The following MSRA variants were observed in gnomAD, a reference collection of about 807,000 sequenced individuals.
MSRA encodes the protein mitochondrial peptide methionine sulfoxide reductase.
Under a neutral mutation model 31.3 loss-of-function variants are expected in MSRA, and 54 were observed. The observed-to-expected ratio is 1.73, with a 90% CI of 1.39 to 2.17. The LOEUF is 2.17. Among genes scored for constraint, MSRA ranks in the 30% most tolerant of loss-of-function variants. MSRA has a pLI of 0.00. For synonymous variants in MSRA, 169 were observed against 116.5 expected, an observed-to-expected ratio of 1.45 and a Z score of -2.90; for missense variants, 507 against 300.9, an observed-to-expected ratio of 1.69 and a Z score of -5.07.
intron 1 of MSRA, among the ~76,000 whole-genome samples, chr8:10,162,627 G>T (rs192709678): frequency 3.5e-4 from 53 of 152,298 alleles, no homozygotes; most frequent in Non-Finnish European, 2.8e-4. Context: ...CCGTAGCTCT[G>T]TGCCTTACTA....
chr8:10,248,446 A>G (rs1797742285), intron 3 of MSRA, among the ~76,000 whole-genome samples: 1 of 152,138 alleles, frequency 6.6e-6, no homozygotes, highest in South Asian at 2.1e-4. Context: ...CGCACATCAG[A>G]GCTTCCACAA....
chr8:10,166,480 T>G (rs539450947), intron 1 of MSRA, among the ~76,000 whole-genome samples: 6 of 152,290 alleles, frequency 3.9e-5, no homozygotes, highest in African/African-American at 1.4e-4. Context: ...TGACTACATA[T>G]GTGTGTGCAT....
rs1324291754 is a variant in MSRA at position 10,415,389 on chromosome 8, T to G, written c.544-12759T>G. ...CACTTGAGCTCAGCCTTACAGACCT[T>G]GCTGCATGCAAGCAGGTGAGCCTCA... On this transcript the variant is annotated intron_variant, in intron 5 of 5. Transcript: ENST00000317173. Among the ~76,000 whole-genome samples the G allele has an allele frequency of 3.3e-5, 5 of 152,180 alleles. No homozygotes were observed. In the East Asian group the frequency reaches 9.6e-4, roughly 29 times the overall value.
rs1043445397 is a variant in MSRA at position 10,280,897 on chromosome 8, T to G, written c.332-20637T>G. Among the ~76,000 whole-genome samples the G allele has an allele frequency of 6.6e-5, 10 of 152,214 alleles. No individual in the cohort carries two copies. In the South Asian group the frequency reaches 2.1e-3, roughly 32 times the overall value. On this transcript the variant is annotated intron_variant, in intron 3 of 5. Coordinates refer to ENST00000317173, the MANE Select transcript of MSRA (RefSeq NM_012331.5). ...AAATGTGCTACATGAAAGAATCCAC[T>G]CGCAAAAAACCATAGAGTGTATGAT... is the stretch of plus-strand genomic sequence containing the variant.
At chr8:10,197,321 GA>G (rs1258793162) in intron 1 of MSRA, among the ~76,000 whole-genome samples, 6 of 152,168 alleles carry the variant, frequency 3.9e-5, no homozygotes, top group Admixed American at 3.9e-4. Flanking sequence ...TTACAAAGGT[GA>G]AAATGGATTT....
At chr8:10,172,892 A>C (rs756423573) in intron 1 of MSRA, among the ~76,000 whole-genome samples, 3 of 152,240 alleles carry the variant, frequency 2.0e-5, no homozygotes, top group Non-Finnish European at 4.4e-5. Flanking sequence ...AGTCTTAAAG[A>C]GGTTATGTGT....
chr8:10,250,594 A>G, intron 3 of MSRA: 1 of 636,720 alleles, frequency 1.6e-6, no homozygotes, highest in South Asian at 1.8e-5. Context: ...TCAACAGAAT[A>G]CTCCGGTGGA....
intron 4 of MSRA, among the ~76,000 whole-genome samples, chr8:10,312,833 A>G (rs764357193): frequency 6.6e-6 from 1 of 152,230 alleles, no homozygotes; most frequent in Non-Finnish European, 1.5e-5. Context: ...AAAGTACTGA[A>G]TACAATTCAG....
intron 1 of MSRA, among the ~76,000 whole-genome samples, chr8:10,125,529 A>G (rs2072779944): frequency 6.6e-6 from 1 of 152,188 alleles, no homozygotes; most frequent in Admixed American, 6.5e-5. Flanking sequence ...GAAGAAGCAC[A>G]TGGACTGTGG....
At chr8:10,154,341 A>C (rs533643048) in intron 1 of MSRA, among the ~76,000 whole-genome samples, 2 of 152,182 alleles carry the variant, frequency 1.3e-5, no homozygotes, top group East Asian at 3.9e-4. Flanking sequence ...AATACGATGG[A>C]AGGCTGAAGG....
chr8:10,185,168 G>A (rs146165797), intron 1 of MSRA, among the ~76,000 whole-genome samples: 5 of 152,238 alleles, frequency 3.3e-5, no homozygotes, highest in South Asian at 4.1e-4. Context: ...TGCCCTTAGC[G>A]AATGCGAATC....
intron 1 of MSRA, among the ~76,000 whole-genome samples, chr8:10,199,322 T>G (rs1808283550): frequency 6.6e-6 from 1 of 152,032 alleles, no homozygotes; most frequent in Non-Finnish European, 1.5e-5. Context: ...GGTTTTTTGT[T>G]TGTTTGTTTG....
At chr8:10,396,230 T>C (rs878951442) in intron 5 of MSRA, among the ~76,000 whole-genome samples, 11 of 152,318 alleles carry the variant, frequency 7.2e-5, no homozygotes, top group African/African-American at 2.2e-4. Context: ...AAGCGTTTCC[T>C]GCACTCAGCC....
chr8:10,290,757 A>G (rs1237493252), intron 3 of MSRA, among the ~76,000 whole-genome samples: 1 of 152,234 alleles, frequency 6.6e-6, no homozygotes, highest in Non-Finnish European at 1.5e-5. Flanking sequence ...ATTCAGTAGC[A>G]TCAAGGAATC....
At chr8:10,275,086 A>G (rs1354431498) in intron 3 of MSRA, among the ~76,000 whole-genome samples, 2 of 152,188 alleles carry the variant, frequency 1.3e-5, no homozygotes, top group Non-Finnish European at 2.9e-5. Context: ...AGATATGAGA[A>G]TAATTCTTAT....
At chr8:10,067,004 A>G (rs1797485804) in intron 1 of MSRA, among the ~76,000 whole-genome samples, 1 of 152,024 alleles carries the variant, frequency 6.6e-6, no homozygotes, top group African/African-American at 2.4e-5. Context: ...ATGAGCCAAT[A>G]TAGATACATT....
At chr8:10,428,093 G>C in intron 5 of MSRA, 55 bp from the exon 6 acceptor site, 4 of 1,565,770 alleles carry the variant, frequency 2.6e-6, no homozygotes, top group Non-Finnish European at 3.5e-6. Context: ...GCCACCCCTC[G>C]CAGGTGCTGT....
At chr8:10,276,553 C>G (rs1473287228) in intron 3 of MSRA, among the ~76,000 whole-genome samples, 2 of 152,212 alleles carry the variant, frequency 1.3e-5, no homozygotes, top group Non-Finnish European at 2.9e-5. Context: ...AAGCCTTTGA[C>G]TTGCTCTGGA....
intron 5 of MSRA, among the ~76,000 whole-genome samples, chr8:10,390,379 G>A (rs1051746193): frequency 2.6e-5 from 4 of 152,100 alleles, no homozygotes; most frequent in East Asian, 3.9e-4. Context: ...TCGCGTGGTC[G>A]CCAGTTGAGA....
Sources: allele counts gnomAD v4.1 joint callset (sites outside exome capture counted in the v4.1 genomes callset), GRCh38; gene constraint gnomAD v4.1.1; transcripts MANE v1.5; gene names NCBI Gene and HGNC (gene_info 2026-07-23, HGNC 2026-07-21).